Variants in TENM1 observed in about 807,000 individuals in gnomAD.
TENM1 encodes the protein teneurin-1.
TENM1 carries 35 observed loss-of-function variants against 174.8 expected under a neutral mutation model. The observed-to-expected ratio is 0.20, with a 90% CI of 0.15 to 0.27. TENM1 has a LOEUF of 0.27. Ranked by LOEUF, TENM1 falls within the 10% of genes least tolerant of loss-of-function variation. The probability of loss-of-function intolerance (pLI) is 1.00; values close to 1 mark genes in which losing one functional copy is unlikely to be tolerated. For missense variants in TENM1, 1,633 were observed against 2,130.1 expected, an observed-to-expected ratio of 0.77 and a Z score of 4.59; for synonymous variants, 781 against 798.7, an observed-to-expected ratio of 0.98 and a Z score of 0.37.
chrX:124,411,674 T>C (rs182901783), intron 25 of TENM1: 1 of 111,536 alleles, frequency 9.0e-6, no homozygotes, highest in African/African-American at 3.3e-5. Flanking sequence ...CTCTCTTCTG[T>C]TGGGTCATTT....
At chrX:125,001,368 A>C in the TENM1 span, among the ~76,000 whole-genome samples, 2 of 111,479 alleles carry the variant, frequency 1.8e-5, no homozygotes, top group Non-Finnish European at 3.8e-5. Flanking sequence ...AGACTTTAGG[A>C]CTATTTTCCA....
the TENM1 span, among the ~76,000 whole-genome samples, chrX:125,043,523 G>C: frequency 2.1e-5 from 1 of 46,688 alleles, no homozygotes; most frequent in African/African-American, 8.6e-5. Flanking sequence ...AACAGGTGCT[G>C]GAGAGGATGT....
intron 22 of TENM1, among the ~76,000 whole-genome samples, chrX:124,476,944 C>T (rs1346415070): frequency 8.9e-6 from 1 of 112,324 alleles, no homozygotes; most frequent in Non-Finnish European, 1.9e-5. Flanking sequence ...TTCTTTGTCC[C>T]ATTACATTGA....
intron 27 of TENM1, among the ~76,000 whole-genome samples, chrX:124,403,932 C>T (rs1297294557): frequency 9.0e-6 from 1 of 110,781 alleles, no homozygotes; most frequent in Non-Finnish European, 1.9e-5. Flanking sequence ...ATTAGCCAAT[C>T]GGAATTAGTT....
At chrX:124,476,974 G>T (rs1039485999) in intron 22 of TENM1, among the ~76,000 whole-genome samples, 2 of 112,215 alleles carry the variant, frequency 1.8e-5, no homozygotes, top group Non-Finnish European at 3.8e-5. Context: ...GAGTAAAATG[G>T]CAAATGTTTC....
chrX:124,679,060 AG>A (rs1395753955), intron 5 of TENM1, among the ~76,000 whole-genome samples: 1 of 111,932 alleles, frequency 8.9e-6, no homozygotes, highest in African/African-American at 3.2e-5. Flanking sequence ...ATATTCAGCT[AG>A]GGGTGTTATA....
chrX:124,553,423 C>T lies in TENM1; in HGVS notation c.2435-6333G>A, dbSNP rs181464240. On this transcript the variant is annotated intron_variant, in intron 14 of 31. Coordinates refer to ENST00000422452, the Ensembl canonical transcript of TENM1. ...ACTGAGGCAGGAGAATCACTTGAAC[C>T]CAGGAGGCAGAGGTTGCAGTGAGCT... Among the ~76,000 whole-genome samples the T allele has an allele frequency of 9.8e-3, 1,053 of 107,961 alleles. 17 individuals are homozygous for T. Among genetic ancestry groups the T allele is most frequent in the African/African-American group, 0.034 (997 of 29,525 alleles). 93.8% of individuals were successfully genotyped at this position (107,961 alleles called of 115,157 possible).
chrX:124,851,102 A>C (rs984402404), intron 3 of TENM1, among the ~76,000 whole-genome samples: 3 of 111,922 alleles, frequency 2.7e-5, no homozygotes, highest in Non-Finnish European at 5.7e-5. Context: ...CATCAACAAA[A>C]CGATCTCTGT....
chrX:124,662,854 G>GTGTA (rs1478685671), intron 6 of TENM1, among the ~76,000 whole-genome samples: 2 of 112,022 alleles, frequency 1.8e-5, no homozygotes, highest in Non-Finnish European at 3.8e-5. Context: ...TGTATTGTAT[G>GTGTA]TGTATGTATG....
chrX:124,907,193 T>C lies in TENM1; in HGVS notation c.218-10952A>G, dbSNP rs956695202. ...GAACAATGAAACAAAGCAGCAAGGC[T>C]GATAAAACAGAAAAACCAATCTGTG... On this transcript the variant is annotated intron_variant, in intron 1 of 31. Transcript: ENST00000422452. Among the ~76,000 whole-genome samples, 13 of 112,147 alleles carry C rather than the reference T, an allele frequency of 1.2e-4. 1 individual carries two copies. In the Admixed American group the frequency reaches 1.2e-3, roughly 11 times the overall value.
At chrX:125,182,351 ACCTTAATTCCATTTGCAATCTTAATT>A in the TENM1 span, among the ~76,000 whole-genome samples, 4 of 106,051 alleles carry the variant, frequency 3.8e-5, no homozygotes, top group South Asian at 1.8e-3. Context: ...CCGATTAGTA[ACCTTAATTCCATTTGCAATCTTAATT>A]CCTCTTTGTC....
the TENM1 span, among the ~76,000 whole-genome samples, chrX:125,124,293 A>G: frequency 8.9e-6 from 1 of 112,347 alleles, no homozygotes; most frequent in Non-Finnish European, 1.9e-5. Context: ...CACTCTAGCT[A>G]TTATTTATCA....
In TENM1 at chrX:124,742,880, C is replaced by A. The variant is rs147336211; in HGVS notation, c.536-5683G>T. ...CTACTTATGTCAGATCTCTCAAGGC[C>A]AATTAGAAGTCTTTGGTTCCTGAGG... On this transcript the variant is annotated intron_variant, in intron 3 of 31. Transcript: ENST00000422452. 4.4e-3 allele frequency among the ~76,000 whole-genome samples: 488 copies of A among 111,171 alleles called. 3 individuals are homozygous for A. The highest frequency in any genetic ancestry group is 0.015 in the African/African-American group (460 of 30,658).
At chrX:125,135,272 T>C in the TENM1 span, among the ~76,000 whole-genome samples, 3 of 112,029 alleles carry the variant, frequency 2.7e-5, no homozygotes, top group African/African-American at 9.7e-5. Flanking sequence ...ACTTGTGTGA[T>C]CTGTTGTGAT....
chrX:124,420,968 T>C (rs1411106567), intron 24 of TENM1, 147 bp from the exon 28 acceptor site: 3 of 525,069 alleles, frequency 5.7e-6, no homozygotes, highest in Admixed American at 3.9e-5. Context: ...CTGAAAAATA[T>C]GAAGCCTATT....
chrX:125,144,788 A>G, the TENM1 span, among the ~76,000 whole-genome samples: 1 of 107,588 alleles, frequency 9.3e-6, no homozygotes, highest in Admixed American at 1.0e-4. Flanking sequence ...CCCAGGCTGG[A>G]GTGCAGTGGC....
At chrX:124,681,525 G>T (rs182400040) in intron 5 of TENM1, among the ~76,000 whole-genome samples, 1 of 111,749 alleles carries the variant, frequency 8.9e-6, no homozygotes, top group East Asian at 2.8e-4. Flanking sequence ...ATTAGACATT[G>T]TCCTAGTTGC....
the TENM1 span, among the ~76,000 whole-genome samples, chrX:125,176,640 T>A: frequency 9.0e-6 from 1 of 111,614 alleles, no homozygotes; most frequent in Non-Finnish European, 1.9e-5. Flanking sequence ...TCCCATGGTA[T>A]TCTTTAATAC....
intron 3 of TENM1, among the ~76,000 whole-genome samples, chrX:124,743,227 A>T (rs1181865579): frequency 8.9e-6 from 1 of 111,805 alleles, no homozygotes; most frequent in Non-Finnish European, 1.9e-5. Context: ...AAAAGGTAAG[A>T]AAACTGGTTT....
Sources: allele counts gnomAD v4.1 joint callset (sites outside exome capture counted in the v4.1 genomes callset), GRCh38; gene constraint gnomAD v4.1.1; transcripts MANE v1.5; gene names NCBI Gene and HGNC (gene_info 2026-07-23, HGNC 2026-07-21).